The following NAA35 variants were observed in gnomAD, a reference collection of about 807,000 sequenced individuals.
NAA35 encodes the protein MAK10 homolog, amino-acid N-acetyltransferase subunit.
In NAA35, 18 loss-of-function variants were observed where a neutral mutation model predicts 101.7. The ratio of observed to expected loss-of-function variants is 0.18; its 90% CI spans 0.12 to 0.26. NAA35 has a LOEUF of 0.26. Ranked by LOEUF, NAA35 falls within the 10% of genes least tolerant of loss-of-function variation. The pLI, the probability that NAA35 is intolerant of heterozygous loss-of-function variation, is 1.00. For missense variants in NAA35, 601 were observed against 886.8 expected, an observed-to-expected ratio of 0.68 and a Z score of 4.09; for synonymous variants, 267 against 273.1, an observed-to-expected ratio of 0.98 and a Z score of 0.22.
rs1831174488 is a variant in NAA35 at position 85,996,689 on chromosome 9, C to G, written c.1056+112C>G. 6.8e-6 allele frequency: 5 copies of G among 739,408 alleles called. No homozygotes were observed. The Admixed American group carries it at 1.7e-4, about 25-fold the overall frequency. 45.8% of individuals were successfully genotyped at this position (739,408 alleles called of 1,614,324 possible). A position where few individuals can be genotyped will look rare whatever the true frequency, so the allele number is the denominator to read the frequency against. ...GGTTTAACAACAGAATAATTGATTGCTTTATAGACATTGACCAAGGGTAAA... is the reference window on the plus strand; with the variant it reads ...GGTTTAACAACAGAATAATTGATTGGTTTATAGACATTGACCAAGGGTAAA... On this transcript the variant is annotated intron_variant, in intron 12 of 22. Transcript: ENST00000361671.
rs371635761 is a variant in NAA35, at chr9:85,984,955, G to C, written c.877+6574G>C. ...AACATAGGCATTAATCTTACACCCA[G>C]GTTAAAAAAAGCAAACCTGCATAAA... On this transcript the variant is annotated intron_variant, in intron 11 of 22. Coordinates refer to ENST00000361671, the MANE Select transcript of NAA35 (RefSeq NM_024635.4). Among the ~76,000 whole-genome samples, 9 of 151,958 alleles carry C rather than the reference G, an allele frequency of 5.9e-5. No individual in the cohort carries two copies. The South Asian group carries it at 1.9e-3, about 32-fold the overall frequency.
Position 85,991,840 on chromosome 9 carries a change from G to A in NAA35, c.878-4559G>A, listed in dbSNP as rs117733926. ...GTCTTGTGATGAGGGGGTGATCATG[G>A]ATTGTCTGGCTGTACCCAAATATCA... On this transcript the variant is annotated intron_variant, in intron 11 of 22. Coordinates refer to ENST00000361671, the MANE Select transcript of NAA35 (RefSeq NM_024635.4). Among the ~76,000 whole-genome samples the A allele has an allele frequency of 5.0e-3, 767 of 152,304 alleles. 1 individual carries two copies. Among genetic ancestry groups the A allele is most frequent in the Non-Finnish European group, 8.6e-3 (584 of 68,012 alleles).
At chr9:85,954,251 T>C (rs1169818588) in intron 2 of NAA35, among the ~76,000 whole-genome samples, 1 of 152,158 alleles carries the variant, frequency 6.6e-6, no homozygotes, top group Non-Finnish European at 1.5e-5. Context: ...TGGCTAATTT[T>C]AGAAGATATT....
chr9:85,960,778 T>G (rs1002761632), intron 5 of NAA35, among the ~76,000 whole-genome samples: 1 of 152,154 alleles, frequency 6.6e-6, no homozygotes, highest in Non-Finnish European at 1.5e-5. Flanking sequence ...TTTATGACGG[T>G]GCCGTGGGAA....
In NAA35 at chr9:85,965,480, T is replaced by C. The variant is rs182071927; in HGVS notation, c.516+3300T>C. 1.5e-3 allele frequency among the ~76,000 whole-genome samples: 224 copies of C among 152,094 alleles called. 1 individual carries two copies. The highest frequency in any genetic ancestry group is 2.1e-3 in the Non-Finnish European group (140 of 67,966). ...CTGTCTCTACAAAAAATACAAAAAT[T>C]AGCTGGGTGTGGTGCTGTGTGCCTG... is the stretch of plus-strand genomic sequence containing the variant. On this transcript the variant is annotated intron_variant, in intron 6 of 22. Coordinates refer to ENST00000361671, the MANE Select transcript of NAA35 (RefSeq NM_024635.4).
At chr9:85,967,530 G>A (rs898816707) in intron 6 of NAA35, among the ~76,000 whole-genome samples, 4 of 152,116 alleles carry the variant, frequency 2.6e-5, no homozygotes, top group Non-Finnish European at 5.9e-5. Context: ...TGATTTGGCC[G>A]GGCGCGGTGG....
At chr9:85,968,445 C>T (rs1212757434) in intron 6 of NAA35, among the ~76,000 whole-genome samples, 1 of 152,084 alleles carries the variant, frequency 6.6e-6, no homozygotes, top group Non-Finnish European at 1.5e-5. Flanking sequence ...CTCCTGACCT[C>T]GTGATCTGCC....
chr9:86,006,011 A>C (rs1831625092), intron 13 of NAA35, among the ~76,000 whole-genome samples: 1 of 152,042 alleles, frequency 6.6e-6, no homozygotes, highest in African/African-American at 2.4e-5. Flanking sequence ...TCTGTACTAA[A>C]AATACAAAAA....
chr9:85,974,873 A>G, intron 6 of NAA35, 94 bp from the exon 7 acceptor site: 1 of 852,982 alleles, frequency 1.2e-6, no homozygotes, highest in Non-Finnish European at 1.9e-6. Flanking sequence ...TTAAATAGTG[A>G]TTTTGTAAGA....
intron 6 of NAA35, among the ~76,000 whole-genome samples, chr9:85,962,490 CAAAA>C (rs781302881): frequency 1.0e-4 from 9 of 85,944 alleles, no homozygotes; most frequent in African/African-American, 3.9e-4. Context: ...GACTCTGTCT[CAAAA>C]AAAAAAAAAA....
intron 2 of NAA35, among the ~76,000 whole-genome samples, chr9:85,946,010 C>T (rs373082785): frequency 6.6e-6 from 1 of 151,874 alleles, no homozygotes; most frequent in East Asian, 1.9e-4. Context: ...TCTTGAGGCT[C>T]TAATTTTTTT....
chr9:85,959,970 A>ATTTC, intron 5 of NAA35, 103 bp downstream of exon 5: 2 of 755,368 alleles, frequency 2.6e-6, no homozygotes, highest in Non-Finnish European at 4.3e-6. Context: ...AAATAAATGT[A>ATTTC]ATACTTGCCC....
intron 8 of NAA35, among the ~76,000 whole-genome samples, chr9:85,976,347 G>T (rs561565952): frequency 1.2e-4 from 19 of 152,240 alleles, no homozygotes; most frequent in African/African-American, 4.3e-4. Context: ...TTCTAACAGG[G>T]TTAGTTTTGA....
intron 11 of NAA35, among the ~76,000 whole-genome samples, chr9:85,992,377 G>A (rs2118219389): frequency 6.6e-6 from 1 of 152,104 alleles, no homozygotes; most frequent in South Asian, 2.1e-4. Flanking sequence ...GAAATGGACA[G>A]TTTGATGAAA....
intron 20 of NAA35, 84 bp from the exon 21 acceptor site, chr9:86,018,615 G>T: frequency 6.6e-7 from 1 of 1,520,606 alleles, no homozygotes. Context: ...GATAGAAAAT[G>T]TAGAATTCTT....
intron 10 of NAA35, 128 bp from the exon 11 acceptor site, chr9:85,978,139 T>TA: frequency 1.6e-6 from 1 of 634,586 alleles, no homozygotes; most frequent in South Asian, 1.9e-5. Flanking sequence ...ATTAAGTGCA[T>TA]AGTTTATGAA....
At chr9:85,941,707 C>G (rs1221450102) in intron 1 of NAA35, 2 of 986,364 alleles carry the variant, frequency 2.0e-6, no homozygotes, top group South Asian at 4.7e-5. Context: ...GGCTCTGGCC[C>G]GGGAGAGGTC....
intron 2 of NAA35, among the ~76,000 whole-genome samples, chr9:85,948,251 G>T (rs1241379325): frequency 6.6e-6 from 1 of 151,998 alleles, no homozygotes; most frequent in East Asian, 1.9e-4. Context: ...TTTCTTTCCT[G>T]CATACTTCTG....
At chr9:85,967,651 A>G (rs534166322) in intron 6 of NAA35, among the ~76,000 whole-genome samples, 1 of 152,034 alleles carries the variant, frequency 6.6e-6, no homozygotes, top group East Asian at 1.9e-4. Context: ...AAATACAAAA[A>G]ATTAGCCAGG....
Sources: gnomAD v4.1 joint callset for allele counts (sites outside exome capture counted in the v4.1 genomes callset) on GRCh38, gnomAD v4.1.1 for gene constraint, MANE v1.5 for transcripts, NCBI Gene and HGNC (gene_info 2026-07-23, HGNC 2026-07-21) for gene names.